The following GABBR2 variants were observed in gnomAD, a reference collection of about 807,000 sequenced individuals.
GABBR2 encodes the protein gamma-aminobutyric acid type B receptor subunit 2, also known as G-protein coupled receptor 51.
A neutral mutation model predicts 105.6 loss-of-function variants in GABBR2; 23 were observed. The observed-to-expected ratio is 0.22, with a 90% CI of 0.16 to 0.31. GABBR2 has a LOEUF of 0.31. GABBR2 is among the 10% of genes least tolerant of loss of function. The pLI, the probability that GABBR2 is intolerant of heterozygous loss-of-function variation, is 1.00. For missense variants in GABBR2, 734 were observed against 1,245.5 expected, an observed-to-expected ratio of 0.59 and a Z score of 6.18; for synonymous variants, 478 against 499.7, an observed-to-expected ratio of 0.96 and a Z score of 0.58.
At position 98,606,757 on chromosome 9, in the gene GABBR2, G is replaced by C. The variant is rs1829429008; in HGVS notation, c.322-28685C>G. 8 of 283,552 alleles carry C rather than the reference G, an allele frequency of 2.8e-5. No individual in the cohort carries two copies. The South Asian group carries it at 2.9e-4, about 10-fold the overall frequency. 17.6% of individuals were successfully genotyped at this position (283,552 alleles called of 1,614,324 possible). A position where few individuals can be genotyped will look rare whatever the true frequency, so the allele number is the denominator to read the frequency against. ...GGCCCCCCAAAGTGCTGGGATTACA[G>C]GCATGAGCCACCGTGCCTGACCTAT... On this transcript the variant is annotated intron_variant, in intron 1 of 18. Transcript: ENST00000259455.
At chr9:98,519,161 C>CT (rs1827819124) in intron 3 of GABBR2, among the ~76,000 whole-genome samples, 1 of 152,172 alleles carries the variant, frequency 6.6e-6, no homozygotes, top group Admixed American at 6.5e-5. Context: ...ACTGAAGGGC[C>CT]TGAAGGCTCT....
At chr9:98,704,062 G>T (rs943737040) in intron 1 of GABBR2, among the ~76,000 whole-genome samples, 1 of 151,884 alleles carries the variant, frequency 6.6e-6, no homozygotes, top group Non-Finnish European at 1.5e-5. Context: ...ATACGTTCTT[G>T]CCCTGTTCTC....
chr9:98,346,847 T>C (rs577980194), intron 13 of GABBR2, among the ~76,000 whole-genome samples: 1 of 152,328 alleles, frequency 6.6e-6, no homozygotes, highest in South Asian at 2.1e-4. Flanking sequence ...TTTCTGTGCC[T>C]GACTTATTTC....
intron 1 of GABBR2, among the ~76,000 whole-genome samples, chr9:98,639,186 T>C (rs532095649): frequency 5.8e-4 from 89 of 152,140 alleles, no homozygotes; most frequent in Admixed American, 1.2e-3. Flanking sequence ...CTAAGGTGAG[T>C]GGGTCACTCC....
chr9:98,303,537 G>C, intron 15 of GABBR2, 114 bp from the exon 16 acceptor site: 2 of 892,410 alleles, frequency 2.2e-6, no homozygotes, highest in Non-Finnish European at 3.5e-6. Flanking sequence ...AGAGGCCCCA[G>C]GAAAGCCACA....
chr9:98,435,911 C>T (rs77594428), intron 7 of GABBR2, among the ~76,000 whole-genome samples: 6,024 of 152,106 alleles, frequency 0.04, 199 homozygotes, highest in South Asian at 0.13. Context: ...ACGTTATGGG[C>T]ACCCCTGTAA....
At position 98,306,655 on chromosome 9, in the gene GABBR2, C is replaced by T. The variant is rs1350578470; in HGVS notation, c.2005-310G>A. On this transcript the variant is annotated intron_variant, in intron 14 of 18. Coordinates refer to ENST00000259455, the MANE Select transcript of GABBR2 (RefSeq NM_005458.8). The surrounding 1 kb of genome is among the most constrained non-coding windows in gnomAD (Gnocchi z 5.4). ...AAGGGAACTTCAGATAAGATCTCAG[C>T]TTTCTCCCTCACTCTCTAGGGAATA... The T allele has an allele frequency of 7.1e-6, 3 of 422,448 alleles. No homozygotes were observed. The highest frequency in any genetic ancestry group is 4.9e-5 in the East Asian group (1 of 20,302). The allele number at this position is 422,448 out of a possible 1,614,324, so 26.2% of individuals were successfully genotyped here. A position where few individuals can be genotyped will look rare whatever the true frequency, so the allele number is the denominator to read the frequency against.
chr9:98,564,039 C>CAAT (rs386415602), intron 2 of GABBR2, among the ~76,000 whole-genome samples: 1 of 152,060 alleles, frequency 6.6e-6, no homozygotes, highest in East Asian at 1.9e-4. Context: ...TTTTTATACA[C>CAAT]AAGTTACTGA....
Position 98,454,240 on chromosome 9 carries a change from G to A in GABBR2, c.1000-23C>T. On this transcript the variant is annotated intron_variant, in intron 6 of 18. Coordinates refer to ENST00000259455, the MANE Select transcript of GABBR2 (RefSeq NM_005458.8). This position sits in a 1 kb window ranked among gnomAD's most constrained non-coding sequence, Gnocchi z 4.6. ...AGTCTGGAAAAACAGGGGATTGGGG[G>A]AATCCCAAGTTATACTCGGCAGGGA... 1 of 1,502,210 alleles carries A rather than the reference G, an allele frequency of 6.7e-7. No individual in the cohort carries two copies. The highest frequency in any genetic ancestry group is 9.3e-7 in the Non-Finnish European group (1 of 1,077,846). 93.1% of individuals were successfully genotyped at this position (1,502,210 alleles called of 1,614,324 possible). A position where few individuals can be genotyped will look rare whatever the true frequency, so the allele number is the denominator to read the frequency against.
chr9:98,483,442 G>A (rs1383975374), intron 4 of GABBR2, among the ~76,000 whole-genome samples: 1 of 152,160 alleles, frequency 6.6e-6, no homozygotes, highest in East Asian at 1.9e-4. Context: ...TGTGAAATCT[G>A]TCCATGGCTT....
chr9:98,316,485 T>C (rs1028088904), intron 13 of GABBR2, among the ~76,000 whole-genome samples: 1 of 152,230 alleles, frequency 6.6e-6, no homozygotes, highest in African/African-American at 2.4e-5. Context: ...CTTGTTGCTC[T>C]CTTTGGCAAT....
At chr9:98,688,039 A>C (rs1423096556) in intron 1 of GABBR2, among the ~76,000 whole-genome samples, 1 of 152,192 alleles carries the variant, frequency 6.6e-6, no homozygotes, top group African/African-American at 2.4e-5. Context: ...TTACAGGAAC[A>C]CACACACTGA....
At chr9:98,402,663 C>A (rs763303359) in intron 8 of GABBR2, among the ~76,000 whole-genome samples, 7 of 152,106 alleles carry the variant, frequency 4.6e-5, no homozygotes, top group Non-Finnish European at 7.4e-5. Context: ...GCAACCGAGG[C>A]TCAGTCCTAC....
intron 3 of GABBR2, among the ~76,000 whole-genome samples, chr9:98,505,259 G>A (rs764481568): frequency 4.6e-4 from 70 of 152,172 alleles, no homozygotes; most frequent in Non-Finnish European, 8.7e-4. Flanking sequence ...CTACTTTTTA[G>A]ATTTCTACAA....
At chr9:98,310,271 G>A (rs567209648) in intron 14 of GABBR2, among the ~76,000 whole-genome samples, 167 of 151,586 alleles carry the variant, frequency 1.1e-3, no homozygotes, top group South Asian at 2.1e-3. Context: ...TTTTTGAGAC[G>A]GAGTTTCGCT....
chr9:98,358,089 T>C (rs1178173600), intron 13 of GABBR2, among the ~76,000 whole-genome samples: 1 of 152,162 alleles, frequency 6.6e-6, no homozygotes, highest in Non-Finnish European at 1.5e-5. Flanking sequence ...GAAAATACCA[T>C]AGTGCACGTA....
intron 1 of GABBR2, among the ~76,000 whole-genome samples, chr9:98,620,391 C>T (rs767785665): frequency 2.5e-4 from 38 of 151,944 alleles, no homozygotes; most frequent in African/African-American, 8.2e-4. Context: ...CACTCTACAC[C>T]TTTAAAAAGA....
chr9:98,590,665 C>A (rs1020834965), intron 1 of GABBR2, among the ~76,000 whole-genome samples: 1 of 152,230 alleles, frequency 6.6e-6, no homozygotes, highest in Non-Finnish European at 1.5e-5. Flanking sequence ...GGGGCTGGAT[C>A]GCCCTCTTAA....
chr9:98,319,046 G>A (rs1277086313), intron 13 of GABBR2, among the ~76,000 whole-genome samples: 2 of 152,044 alleles, frequency 1.3e-5, no homozygotes, highest in East Asian at 1.9e-4. Context: ...CTCTTTTGGG[G>A]TGCCAACAAG....
Sources: gnomAD v4.1 joint callset for allele counts (sites outside exome capture counted in the v4.1 genomes callset) on GRCh38, gnomAD v4.1.1 for gene constraint, Gnocchi (gnomAD v3.1) non-coding constraint, MANE v1.5 for transcripts, NCBI Gene and HGNC (gene_info 2026-07-23, HGNC 2026-07-21) for gene names.